Variants in EPS8L2 observed in about 807,000 individuals in gnomAD.
EPS8L2 encodes EPS8 signaling adaptor L2, also known as epidermal growth factor receptor kinase substrate 8-like protein 2.
EPS8L2 carries 81 observed loss-of-function variants against 99.4 expected under a neutral mutation model. The ratio of observed to expected loss-of-function variants is 0.82; its 90% CI spans 0.68 to 0.98. EPS8L2 has a LOEUF of 0.98. EPS8L2 is among the 50% of genes least tolerant of loss of function. EPS8L2 has a pLI of 0.00. For synonymous variants in EPS8L2, 509 were observed against 407.3 expected, an observed-to-expected ratio of 1.25 and a Z score of -3.01; for missense variants, 1,155 against 968.8, an observed-to-expected ratio of 1.19 and a Z score of -2.55.
In EPS8L2 at chr11:726,425, C is replaced by T. The variant is rs147734143; in HGVS notation, c.1875C>T (p.Thr625=). 44 of 1,601,614 alleles carry T rather than the reference C, an allele frequency of 2.7e-5. No homozygotes were observed. The highest frequency in any genetic ancestry group is 3.5e-5 in the Non-Finnish European group (41 of 1,175,438). The stretch of plus-strand genomic sequence containing the variant: ...GCCAGCCCGTGAGCCAGCCGCTCAC[C>T]TACGAGTCGGGTCCGGACGAGGTCC... The part of the protein sequence containing the change: ...ERSQPVSQPL[T]YESGPDEVRA... The change falls in exon 19 of 21, where the codon ACC becomes ACT. Residue 625 remains threonine (T), a synonymous_variant. Transcript: ENST00000318562.
In EPS8L2 at chr11:724,440, G is replaced by A; in HGVS notation, c.1455-284G>A. 2.3e-6 allele frequency: 1 copy of A among 439,030 alleles called. No individual in the cohort carries two copies. The highest frequency in any genetic ancestry group is 3.7e-5 in the Admixed American group (1 of 26,798). 27.2% of individuals were successfully genotyped at this position (439,030 alleles called of 1,614,324 possible). A position where few individuals can be genotyped will look rare whatever the true frequency, so the allele number is the denominator to read the frequency against. ...GGTTCCCCTGGGGTGCCGGACTGGAGACCCCTGAGGTGGCCTGGGATGGGC... is the reference window on the plus strand; with the variant it reads ...GGTTCCCCTGGGGTGCCGGACTGGAAACCCCTGAGGTGGCCTGGGATGGGC... On this transcript the variant is annotated intron_variant, in intron 15 of 20. Coordinates refer to ENST00000318562, the MANE Select transcript of EPS8L2 (RefSeq NM_022772.4). The surrounding 1 kb of genome is among the most constrained non-coding windows in gnomAD (Gnocchi z 5.5).
chr11:706,669 A>C (rs1250927537), intron 1 of EPS8L2: 1 of 152,426 alleles, frequency 6.6e-6, no homozygotes. Flanking sequence ...CGGTTCTGTG[A>C]GCAGCAGGAC....
chr11:721,015 G>GAGCC (rs762102826), intron 7 of EPS8L2, 49 bp from the exon 8 acceptor site: 1 of 1,086,318 alleles, frequency 9.2e-7, no homozygotes. Flanking sequence ...AGGGAGGGAG[G>GAGCC]GTCAGGTGCG....
rs1317725617 is a variant in EPS8L2, at chr11:720,893, C to G, written c.541C>G (p.Arg181Gly). 2 of 1,389,110 alleles carry G rather than the reference C, an allele frequency of 1.4e-6. No individual in the cohort carries two copies. The highest frequency in any genetic ancestry group is 1.9e-6 in the Non-Finnish European group (2 of 1,050,490). 86.0% of individuals were successfully genotyped at this position (1,389,110 alleles called of 1,614,324 possible). A position where few individuals can be genotyped will look rare whatever the true frequency, so the allele number is the denominator to read the frequency against. The change falls in exon 7 of 21, where the codon CGG becomes GGG. Residue 181 changes from arginine (R) to glycine (G), a missense_variant. By Grantham distance (125) the Arg-to-Gly change is moderately radical. Transcript: ENST00000318562. ...LADCRLGKKMRPQTLKGHQEK... is the reference protein window; with the variant it reads ...LADCRLGKKMGPQTLKGHQEK... ...CGACTGCCGGCTGGGCAAGAAGATG[C>G]GGCCGCAGACCCTGAAGTAGGGCAG...
chr11:706,379 G>A (rs1279463971), intron 1 of EPS8L2, 91 bp downstream of exon 1: 1 of 152,452 alleles, frequency 6.6e-6, no homozygotes, highest in Non-Finnish European at 1.5e-5. Context: ...CAGGACACCG[G>A]GACGAACGCG....
intron 4 of EPS8L2, among the ~76,000 whole-genome samples, chr11:712,984 G>C (rs980665476): frequency 6.6e-6 from 1 of 151,766 alleles, no homozygotes; most frequent in Non-Finnish European, 1.5e-5. Context: ...CCTGGACTTT[G>C]GCCCCAGCTG....
intron 16 of EPS8L2, among the ~76,000 whole-genome samples, chr11:725,381 T>A (rs1328539708): frequency 6.6e-6 from 1 of 152,126 alleles, no homozygotes; most frequent in Non-Finnish European, 1.5e-5. Context: ...TGTGGTGGTG[T>A]GTGCCTGTGG....
At position 721,551 on chromosome 11, in the gene EPS8L2, C is replaced by T; in HGVS notation, c.769-14C>T. ...GAGTGTCAGGGGCTGACCCCTGACC[C>T]CCTCTGACCCCAGCAAATCCTCAAC... On this transcript the variant is annotated splice_polypyrimidine_tract_variant and intron_variant, in intron 9 of 20. Transcript: ENST00000318562. The T allele has an allele frequency of 1.3e-6, 2 of 1,537,104 alleles. No individual in the cohort carries two copies. Among genetic ancestry groups the T allele is most frequent in the Non-Finnish European group, 1.7e-6 (2 of 1,144,124 alleles).
At chr11:722,615 G>T (rs1706655391) in intron 13 of EPS8L2, 58 bp from the exon 14 acceptor site, 1 of 1,609,588 alleles carries the variant, frequency 6.2e-7, no homozygotes, top group African/African-American at 1.3e-5. Flanking sequence ...GCCAGCAAGG[G>T]GGTCCTGGTG....
chr11:710,940 G>A (rs975867080), intron 4 of EPS8L2, among the ~76,000 whole-genome samples: 1 of 152,206 alleles, frequency 6.6e-6, no homozygotes, highest in Non-Finnish European at 1.5e-5. Context: ...CGCGGCCTGG[G>A]GGGTGAGGCA....
intron 4 of EPS8L2, among the ~76,000 whole-genome samples, chr11:713,295 C>T (rs551972417): frequency 6.6e-6 from 1 of 152,336 alleles, no homozygotes; most frequent in East Asian, 1.9e-4. Context: ...GACCCATCAG[C>T]CCCATCACTC....
intron 1 of EPS8L2, among the ~76,000 whole-genome samples, chr11:707,094 C>T (rs536669068): frequency 6.6e-4 from 100 of 152,124 alleles, no homozygotes; most frequent in Non-Finnish European, 1.2e-3. Context: ...GGGAGGCAGG[C>T]CCAGCTGGCG....
At chr11:715,583 T>C (rs2133512136) in intron 4 of EPS8L2, among the ~76,000 whole-genome samples, 1 of 151,840 alleles carries the variant, frequency 6.6e-6, no homozygotes, top group Non-Finnish European at 1.5e-5. Context: ...CCACTTACTG[T>C]GGGTTTTATT....
chr11:719,404 A>C (rs1813648067), intron 4 of EPS8L2, among the ~76,000 whole-genome samples: 1 of 152,236 alleles, frequency 6.6e-6, no homozygotes, highest in Admixed American at 6.5e-5. Context: ...TGAACACGGC[A>C]GCTTGGCTGG....
At position 724,883 on chromosome 11, in the gene EPS8L2, G is replaced by A; in HGVS notation, c.1560+54G>A. 7.2e-7 allele frequency: 1 copy of A among 1,383,988 alleles called. No homozygotes were observed. Among genetic ancestry groups the A allele is most frequent in the South Asian group, 1.2e-5 (1 of 85,534 alleles). 85.7% of individuals were successfully genotyped at this position (1,383,988 alleles called of 1,614,324 possible). ...GGGGGAAACAGGGCAGGGCTTCAAG[G>A]GAGGGGCTACCAGGGGAGGTGGGGA... On this transcript the variant is annotated intron_variant, in intron 16 of 20. Coordinates refer to ENST00000318562, the MANE Select transcript of EPS8L2 (RefSeq NM_022772.4). This position sits in a 1 kb window ranked among gnomAD's most constrained non-coding sequence, Gnocchi z 5.5.
At chr11:710,052 A>G in intron 3 of EPS8L2, 1 of 356,790 alleles carries the variant, frequency 2.8e-6, no homozygotes, top group East Asian at 6.3e-5. Flanking sequence ...AAGCGAGAAG[A>G]CCTGGGAGGG....
At position 711,814 on chromosome 11, in the gene EPS8L2, T is replaced by C. The variant is rs1193381421; in HGVS notation, c.165+1328T>C. On this transcript the variant is annotated intron_variant, in intron 4 of 20. Coordinates refer to ENST00000318562, the MANE Select transcript of EPS8L2 (RefSeq NM_022772.4). ...GCCTGACCAACATGGCAAAACCTCA[T>C]GTCTACTGAAAATACAAAATTAGCC... is the stretch of plus-strand genomic sequence containing the variant. 4.6e-5 allele frequency among the ~76,000 whole-genome samples: 7 copies of C among 151,706 alleles called. 1 individual carries two copies. The South Asian group carries it at 6.3e-4, about 14-fold the overall frequency.
At chr11:726,566 G>C (rs548487179) in intron 19 of EPS8L2, 53 bp from the exon 20 acceptor site, 2 of 1,511,706 alleles carry the variant, frequency 1.3e-6, no homozygotes, top group East Asian at 5.0e-5. Context: ...CGGGGCGGGC[G>C]CCAGGCAGCC....
At position 724,836 on chromosome 11, in the gene EPS8L2, G is replaced by T. The variant is rs1443265149; in HGVS notation, c.1560+7G>T. ...CAAGGATGAGGTCCTAGAGGTGAGG[G>T]GCTGGAGGACGGGGTCCAAGAGGGG... On this transcript the variant is annotated splice_region_variant and intron_variant, in intron 16 of 20. Coordinates refer to ENST00000318562, the MANE Select transcript of EPS8L2 (RefSeq NM_022772.4). This position sits in a 1 kb window ranked among gnomAD's most constrained non-coding sequence, Gnocchi z 5.5. The T allele has an allele frequency of 1.2e-6, 2 of 1,601,398 alleles. No individual in the cohort carries two copies. Among genetic ancestry groups the T allele is most frequent in the Admixed American group, 3.3e-5 (2 of 59,988 alleles).
Sources: gnomAD v4.1 joint callset for allele counts (sites outside exome capture counted in the v4.1 genomes callset) on GRCh38, gnomAD v4.1.1 for gene constraint, Gnocchi (gnomAD v3.1) non-coding constraint, MANE v1.5 for transcripts, NCBI Gene and HGNC (gene_info 2026-07-23, HGNC 2026-07-21) for gene names.